ADSS2: variants seen among roughly 807,000 people sequenced by gnomAD.
The protein encoded by ADSS2 is adenylosuccinate synthase 2.
A neutral mutation model predicts 60.0 loss-of-function variants in ADSS2; 30 were observed. The ratio of observed to expected loss-of-function variants is 0.50; its 90% confidence interval spans 0.37 to 0.68. The LOEUF is 0.68. ADSS2 is among the 30% of genes least tolerant of loss of function. The pLI is 0.00. For missense variants in ADSS2, 373 were observed against 554.8 expected (o/e 0.67, Z 3.29); for synonymous variants, 187 against 193.1 (o/e 0.97, Z 0.26).
chr1:244,427,774 T>C (rs1572136946), intron 4 of ADSS2, among the ~76,000 whole-genome samples: 1 of 152,280 alleles, frequency 6.6e-6, no homozygotes, highest in Middle Eastern at 3.4e-3. Context: ...AATCACATAA[T>C]ACAAATTTAG....
chr1:244,409,185 T>C lies in ADSS2; in HGVS notation c.*401A>G, dbSNP rs1170896134. 6.4e-6 allele frequency: 1 copy of C among 156,402 alleles called. No individual in the cohort carries two copies. Among genetic ancestry groups the C allele is most frequent in the Non-Finnish European group, 1.4e-5 (1 of 70,798 alleles). 9.7% of individuals were successfully genotyped at this position (156,402 alleles called of 1,614,324 possible). ...ACTGAATGATCAGAATGTAAAAATA[T>C]TTGTGCAAAACTGCATTAATTGTTC... On this transcript the variant is annotated 3_prime_UTR_variant, in exon 13 of 13. Transcript: ENST00000366535.
chr1:244,410,922 C>T (rs1664397154), intron 12 of ADSS2, among the ~76,000 whole-genome samples: 1 of 152,160 alleles, frequency 6.6e-6, no homozygotes, highest in East Asian at 1.9e-4. Flanking sequence ...GGCACATAGG[C>T]AAGTTAAAAG....
At chr1:244,427,425 C>T (rs1664832932) in intron 4 of ADSS2, among the ~76,000 whole-genome samples, 1 of 151,806 alleles carries the variant, frequency 6.6e-6, no homozygotes, top group Admixed American at 6.6e-5. Flanking sequence ...AGGAAAAGAA[C>T]AAATAAAAAG....
At chr1:244,431,270 A>T (rs1401485706) in intron 4 of ADSS2, among the ~76,000 whole-genome samples, 1 of 152,212 alleles carries the variant, frequency 6.6e-6, no homozygotes, top group Non-Finnish European at 1.5e-5. Flanking sequence ...CAAAAATGAC[A>T]ACCTCCTTCT....
chr1:244,426,615 T>G (rs1664808735), intron 4 of ADSS2, among the ~76,000 whole-genome samples: 1 of 152,218 alleles, frequency 6.6e-6, no homozygotes. Flanking sequence ...AATTTACTAT[T>G]ATAGTTAAGT....
chr1:244,423,417 A>G (rs1664719884), intron 6 of ADSS2, among the ~76,000 whole-genome samples: 1 of 152,210 alleles, frequency 6.6e-6, no homozygotes, highest in Admixed American at 6.5e-5. Context: ...ATACACAACC[A>G]ACTCCCTATC....
At chr1:244,438,908 T>C (rs1665166865) in intron 1 of ADSS2, among the ~76,000 whole-genome samples, 1 of 152,240 alleles carries the variant, frequency 6.6e-6, no homozygotes, top group Admixed American at 6.5e-5. Context: ...TACAATCTAA[T>C]TATACTGAGT....
chr1:244,449,205 A>C (rs1456097556), intron 1 of ADSS2, among the ~76,000 whole-genome samples: 1 of 152,230 alleles, frequency 6.6e-6, no homozygotes, highest in Non-Finnish European at 1.5e-5. Flanking sequence ...CATTTTATAC[A>C]TTAAAATTTA....
chr1:244,450,041 C>CAATAG (rs1284921787), intron 1 of ADSS2, among the ~76,000 whole-genome samples: 2 of 152,218 alleles, frequency 1.3e-5, no homozygotes, highest in Admixed American at 1.3e-4. Context: ...GTAGCTCAAC[C>CAATAG]TGAGCTATTT....
At chr1:244,433,752 C>T (rs61843975) in intron 3 of ADSS2, among the ~76,000 whole-genome samples, 22,394 of 149,680 alleles carry the variant, frequency 0.15, 1,786 homozygotes, top group Middle Eastern at 0.19. Context: ...CCCAGCTACT[C>T]GGGAGGCTGA....
At chr1:244,447,214 T>C (rs1665415436) in intron 1 of ADSS2, among the ~76,000 whole-genome samples, 1 of 152,218 alleles carries the variant, frequency 6.6e-6, no homozygotes, top group South Asian at 2.1e-4. Flanking sequence ...GGTGTCAACA[T>C]CTGACACAGT....
intron 11 of ADSS2, among the ~76,000 whole-genome samples, chr1:244,413,353 T>C (rs58785428): frequency 0.03 from 4,619 of 152,158 alleles, 237 homozygotes; most frequent in African/African-American, 0.1. Flanking sequence ...CCATTTCTAG[T>C]CATCATAAAA....
At chr1:244,446,519 T>C (rs1665387856) in intron 1 of ADSS2, among the ~76,000 whole-genome samples, 1 of 152,228 alleles carries the variant, frequency 6.6e-6, no homozygotes, top group African/African-American at 2.4e-5. Context: ...CTTTGCATGA[T>C]TATAGTTACC....
At chr1:244,452,056 A>C, upstream of ADSS2, 1 of 365,248 alleles carries the variant, frequency 2.7e-6, no homozygotes, top group Non-Finnish European at 4.8e-6. Context: ...CGCCCGCAGG[A>C]AGAGGCCCTG....
In ADSS2 at chr1:244,451,263, A is replaced by C. The variant is rs1438192340; in HGVS notation, c.183+372T>G. The stretch of plus-strand genomic sequence containing the variant: ...GCCCGCAGTCGGAAGAGTTGGGAGC[A>C]GGCCTCGGGCGGTAGCTCCTCAAAC... On this transcript the variant is annotated intron_variant, in intron 1 of 12. Coordinates refer to ENST00000366535, the MANE Select transcript of ADSS2 (RefSeq NM_001126.5). This position sits in a 1 kb window ranked among gnomAD's most constrained non-coding sequence, Gnocchi z 6.6. Among the ~76,000 whole-genome samples, 1 of 152,158 alleles carries C rather than the reference A, an allele frequency of 6.6e-6. No individual in the cohort carries two copies. The highest frequency in any genetic ancestry group is 2.4e-5 in the African/African-American group (1 of 41,444).
chr1:244,422,924 A>G lies in ADSS2; in HGVS notation c.582-8T>C. ...TTAGCTAGAACTTTAAACCTGAGAA[A>G]CACAGATAAATCAAGACATTACCAC... On this transcript the variant is annotated splice_region_variant and splice_polypyrimidine_tract_variant and intron_variant, in intron 6 of 12. Coordinates refer to ENST00000366535, the MANE Select transcript of ADSS2 (RefSeq NM_001126.5). 6.6e-7 allele frequency: 1 copy of G among 1,525,864 alleles called. No individual in the cohort carries two copies. The highest frequency in any genetic ancestry group is 9.1e-7 in the Non-Finnish European group (1 of 1,104,572). The allele number at this position is 1,525,864 out of a possible 1,614,324, so 94.5% of individuals were successfully genotyped here.
chr1:244,438,437 T>A (rs905364312), intron 1 of ADSS2, among the ~76,000 whole-genome samples: 1 of 152,168 alleles, frequency 6.6e-6, no homozygotes, highest in African/African-American at 2.4e-5. Context: ...ATGATTAAAT[T>A]TCCATTCTAT....
At chr1:244,435,991 C>T (rs568093423) in intron 3 of ADSS2, among the ~76,000 whole-genome samples, 38 of 152,256 alleles carry the variant, frequency 2.5e-4, no homozygotes, top group African/African-American at 9.1e-4. Flanking sequence ...TCTGTGGGAA[C>T]GCTGGTGTGG....
Position 244,418,745 on chromosome 1 carries a change from T to G in ADSS2, c.945+15A>C, listed in dbSNP as rs759852464. ...TTTTTAATACATTTTGATTATTTAC[T>G]TAGAATAGGCTTACATTGTCTTGCT... is the stretch of plus-strand genomic sequence containing the variant. On this transcript the variant is annotated intron_variant, in intron 9 of 12. Transcript: ENST00000366535. The G allele has an allele frequency of 2.5e-6, 4 of 1,569,836 alleles. No homozygotes were observed. The highest frequency in any genetic ancestry group is 3.4e-6 in the Non-Finnish European group (4 of 1,163,882).
Sources: gnomAD v4.1 joint callset for allele counts (sites outside exome capture counted in the v4.1 genomes callset) on GRCh38, gnomAD v4.1.1 for gene constraint, Gnocchi (gnomAD v3.1) non-coding constraint, MANE v1.5 for transcripts, NCBI Gene and HGNC (gene_info 2026-07-23, HGNC 2026-07-21) for gene names.